Variants in PLCXD3 observed in about 807,000 individuals in gnomAD.
PLCXD3 encodes the protein phosphatidylinositol specific phospholipase C X domain containing 3, also known as PI-PLC X domain-containing protein 3.
A neutral mutation model predicts 25.5 loss-of-function variants in PLCXD3; 19 were observed. That is an observed-to-expected ratio of 0.75 (90% CI 0.52 to 1.09). The LOEUF (loss-of-function observed/expected upper bound fraction) is 1.09, where lower values mean the gene tolerates loss of function less well. Ranked by LOEUF, PLCXD3 falls within the 50% of genes least tolerant of loss-of-function variation. The pLI is 0.00. For missense variants in PLCXD3, 411 were observed against 388.1 expected (o/e 1.06, Z -0.50); for synonymous variants, 174 against 137.6 (o/e 1.26, Z -1.85).
At chr5:41,493,922 G>A (rs1053200652) in intron 1 of PLCXD3, among the ~76,000 whole-genome samples, 17 of 152,172 alleles carry the variant, frequency 1.1e-4, no homozygotes, top group Admixed American at 3.9e-4. Flanking sequence ...GCTTCGGCTC[G>A]CGCACAGTGC....
At chr5:41,505,244 A>C (rs924502141) in intron 1 of PLCXD3, among the ~76,000 whole-genome samples, 8 of 151,350 alleles carry the variant, frequency 5.3e-5, no homozygotes, top group African/African-American at 2.0e-4. Flanking sequence ...TGTGTGTGTG[A>C]AGTTTAACTA....
At chr5:41,448,214 C>T (rs955875023) in intron 1 of PLCXD3, among the ~76,000 whole-genome samples, 5 of 152,170 alleles carry the variant, frequency 3.3e-5, no homozygotes, top group Admixed American at 6.5e-5. Flanking sequence ...CCACCTCTCC[C>T]ATCATTCCTG....
chr5:41,469,337 C>A (rs1748098544), intron 1 of PLCXD3, among the ~76,000 whole-genome samples: 1 of 151,842 alleles, frequency 6.6e-6, no homozygotes. Context: ...CTATAATTTT[C>A]TTTTCTTGTA....
chr5:41,447,221 T>C lies in PLCXD3; in HGVS notation c.103+63203A>G, dbSNP rs953211406. Among the ~76,000 whole-genome samples the C allele has an allele frequency of 4.6e-5, 7 of 152,280 alleles. No individual in the cohort carries two copies. In the East Asian group the frequency reaches 1.4e-3, roughly 29 times the overall value. On this transcript the variant is annotated intron_variant, in intron 1 of 2. Transcript: ENST00000377801. ...TGTTAATAGAGTTGTTGCCCTTTTT[T>C]ACTCATTGCTAAGCATTAATAAGTT...
At chr5:41,385,685 AC>A (rs1745612424) in intron 1 of PLCXD3, among the ~76,000 whole-genome samples, 1 of 152,094 alleles carries the variant, frequency 6.6e-6, no homozygotes, top group Non-Finnish European at 1.5e-5. Flanking sequence ...ATTACATAGG[AC>A]AAACATGATG....
chr5:41,477,240 C>T (rs75864336), intron 1 of PLCXD3, among the ~76,000 whole-genome samples: 87 of 152,196 alleles, frequency 5.7e-4, no homozygotes, highest in African/African-American at 2.0e-3. Context: ...GTACTTACTA[C>T]TAGTAGTCAT....
intron 1 of PLCXD3, among the ~76,000 whole-genome samples, chr5:41,402,312 A>G (rs1042180045): frequency 6.6e-6 from 1 of 151,754 alleles, no homozygotes; most frequent in Non-Finnish European, 1.5e-5. Context: ...AAATTATTTT[A>G]TAATTTTCCC....
chr5:41,368,291 G>A (rs1408422627), intron 2 of PLCXD3, among the ~76,000 whole-genome samples: 1 of 151,922 alleles, frequency 6.6e-6, no homozygotes, highest in Non-Finnish European at 1.5e-5. Flanking sequence ...TCTATATTTG[G>A]TTCATTCATA....
intron 1 of PLCXD3, among the ~76,000 whole-genome samples, chr5:41,467,778 A>G (rs142337750): frequency 2.9e-4 from 44 of 152,140 alleles, no homozygotes; most frequent in African/African-American, 8.2e-4. Flanking sequence ...CTAGATGTGG[A>G]TATTCAGTTT....
chr5:41,414,813 G>T (rs1368031486), intron 1 of PLCXD3, among the ~76,000 whole-genome samples: 1 of 152,154 alleles, frequency 6.6e-6, no homozygotes, highest in Non-Finnish European at 1.5e-5. Context: ...TATTCACACA[G>T]TCTACACTAC....
chr5:41,376,576 C>A (rs1364181119), intron 2 of PLCXD3, among the ~76,000 whole-genome samples: 2 of 152,076 alleles, frequency 1.3e-5, no homozygotes, highest in Non-Finnish European at 2.9e-5. Context: ...AGATTTCCTA[C>A]CTCCATGCTT....
intron 2 of PLCXD3, among the ~76,000 whole-genome samples, chr5:41,346,856 G>T (rs570241275): frequency 6.6e-6 from 1 of 152,206 alleles, no homozygotes; most frequent in African/African-American, 2.4e-5. Flanking sequence ...ATGTTCCATT[G>T]TATAGATTTA....
At chr5:41,468,728 T>C (rs1748081546) in intron 1 of PLCXD3, among the ~76,000 whole-genome samples, 1 of 152,184 alleles carries the variant, frequency 6.6e-6, no homozygotes, top group South Asian at 2.1e-4. Flanking sequence ...CTATGTCCTG[T>C]AACTTTACTG....
chr5:41,372,314 A>G (rs889958676), intron 2 of PLCXD3, among the ~76,000 whole-genome samples: 1 of 143,636 alleles, frequency 7.0e-6, no homozygotes, highest in East Asian at 2.0e-4. Context: ...ACACACACAC[A>G]CACACACACA....
chr5:41,378,125 A>T (rs973280107), intron 2 of PLCXD3, among the ~76,000 whole-genome samples: 11 of 152,076 alleles, frequency 7.2e-5, no homozygotes, highest in Non-Finnish European at 1.6e-4. Context: ...CTGGGGAGTC[A>T]AGTGCTCCTT....
intron 2 of PLCXD3, among the ~76,000 whole-genome samples, chr5:41,347,668 CT>C (rs745724269): frequency 6.6e-6 from 1 of 152,210 alleles, no homozygotes; most frequent in Non-Finnish European, 1.5e-5. Context: ...TGAATGTGAA[CT>C]CACCCTGGTC....
chr5:41,492,606 C>T (rs557170765), intron 1 of PLCXD3, among the ~76,000 whole-genome samples: 3 of 152,184 alleles, frequency 2.0e-5, no homozygotes, highest in African/African-American at 7.2e-5. Flanking sequence ...TCACATAGTC[C>T]CATATTTCTT....
chr5:41,503,744 T>C (rs1001291748), intron 1 of PLCXD3, among the ~76,000 whole-genome samples: 7 of 152,168 alleles, frequency 4.6e-5, no homozygotes, highest in African/African-American at 2.4e-5. Flanking sequence ...CTAAGATTGA[T>C]TTGAACCCTA....
intron 2 of PLCXD3, among the ~76,000 whole-genome samples, chr5:41,335,279 T>A (rs568861286): frequency 3.2e-4 from 48 of 152,338 alleles, no homozygotes; most frequent in African/African-American, 1.1e-3. Context: ...CATTTCTGAT[T>A]TTGCTTGGAG....
Sources: gnomAD v4.1 joint callset for allele counts (sites outside exome capture counted in the v4.1 genomes callset) on GRCh38, gnomAD v4.1.1 for gene constraint, MANE v1.5 for transcripts, NCBI Gene and HGNC (gene_info 2026-07-23, HGNC 2026-07-21) for gene names.